Variants in QSOX2 observed in about 807,000 individuals in gnomAD.
The protein encoded by QSOX2 is sulfhydryl oxidase 2.
In QSOX2, 46 loss-of-function variants were observed where a neutral mutation model predicts 61.7. That is an observed-to-expected ratio of 0.75 (90% CI 0.59 to 0.95). QSOX2 has a LOEUF of 0.95. Among genes scored for constraint, QSOX2 ranks in the 40% least tolerant of loss-of-function variants. The probability of loss-of-function intolerance (pLI) is 0.00; values close to 1 mark genes in which losing one functional copy is unlikely to be tolerated. For synonymous variants in QSOX2, 383 were observed against 388.4 expected, an observed-to-expected ratio of 0.99 and a Z score of 0.16; for missense variants, 879 against 918.9, an observed-to-expected ratio of 0.96 and a Z score of 0.56.
At position 136,216,631 on chromosome 9, in the gene QSOX2, G is replaced by A; in HGVS notation, c.1178C>T (p.Ala393Val). The change falls in exon 9 of 12, where the codon GCC (alanine) becomes GTC (valine). Residue 393 changes from alanine (A) to valine (V), a missense_variant. Coordinates refer to ENST00000358701, the MANE Select transcript of QSOX2 (RefSeq NM_181701.4). ...SLPLDRIPYN[A>V]VLDLVNNKMR... Reference sequence around the variant, plus strand: ...CTTGTTGTTGACCAGGTCAAGCACGGCGTTGTAGGGGATCCTGTCCAGGGG... The same window carrying A: ...CTTGTTGTTGACCAGGTCAAGCACGACGTTGTAGGGGATCCTGTCCAGGGG... The A allele has an allele frequency of 6.2e-7, 1 of 1,613,966 alleles. No individual in the cohort carries two copies. Among genetic ancestry groups the A allele is most frequent in the South Asian group, 1.1e-5 (1 of 91,092 alleles).
rs550171545 is a variant in QSOX2 at position 136,209,097 on chromosome 9, C to A, written c.1728G>T (p.Gly576=). The A allele has an allele frequency of 1.2e-6, 2 of 1,614,184 alleles. No individual in the cohort carries two copies. Among genetic ancestry groups the A allele is most frequent in the Admixed American group, 1.7e-5 (1 of 60,028 alleles). Residue 576 remains glycine, a synonymous_variant, in exon 12 of 12, where the codon GGG becomes GGT. Coordinates refer to ENST00000358701, the MANE Select transcript of QSOX2 (RefSeq NM_181701.4). The surrounding 1 kb of genome is among the most constrained non-coding windows in gnomAD (Gnocchi z 5.6). ...NLLDTYSADQ[G]DSSEGGTLAR... ...CCAGGGTTCCTCCTTCACTGGAATC[C>A]CCCTGGTCTGCGGAATACGTGTCTA...
chr9:136,226,552 TC>T (rs5901101), intron 2 of QSOX2, among the ~76,000 whole-genome samples: 1,951 of 152,168 alleles, frequency 0.013, 52 homozygotes, highest in South Asian at 0.11. Context: ...GCGTGGACAG[TC>T]CCACAGACAC....
intron 11 of QSOX2, 34 bp downstream of exon 11, chr9:136,211,230 C>T (rs773009044): frequency 3.2e-5 from 52 of 1,605,892 alleles, no homozygotes; most frequent in Middle Eastern, 1.7e-4. Context: ...TCCCTCCGCC[C>T]GTGCTGAGCC....
At chr9:136,213,728 C>G (rs150235836) in intron 10 of QSOX2, among the ~76,000 whole-genome samples, 22 of 152,268 alleles carry the variant, frequency 1.4e-4, no homozygotes, top group Non-Finnish European at 2.6e-4. Context: ...CAACAGGATG[C>G]GGCAGAAGTA....
intron 1 of QSOX2, among the ~76,000 whole-genome samples, chr9:136,240,577 GAGCAAAGGTCTTCTTAGCTA>G (rs1336127648): frequency 6.6e-6 from 1 of 152,206 alleles, no homozygotes; most frequent in Non-Finnish European, 1.5e-5. Flanking sequence ...CCTCTTGGCT[GAGCAAAGGTCTTCTTAGCTA>G]AGCTCCAAGT....
chr9:136,236,084 C>A (rs1237447551), intron 1 of QSOX2, among the ~76,000 whole-genome samples: 1 of 152,182 alleles, frequency 6.6e-6, no homozygotes, highest in Non-Finnish European at 1.5e-5. Flanking sequence ...CCAAGTCAAC[C>A]CGGACCTCTC....
intron 1 of QSOX2, among the ~76,000 whole-genome samples, chr9:136,231,827 G>A (rs987030655): frequency 6.6e-6 from 1 of 152,148 alleles, no homozygotes; most frequent in Non-Finnish European, 1.5e-5. Context: ...CGAGCTCCAA[G>A]TCCTCAGAGG....
intron 10 of QSOX2, 91 bp from the exon 11 acceptor site, chr9:136,211,543 C>T: frequency 7.3e-7 from 1 of 1,366,890 alleles, no homozygotes. Context: ...GAAACCGCTC[C>T]TGACATGTCG....
At chr9:136,234,191 C>T (rs545718408) in intron 1 of QSOX2, among the ~76,000 whole-genome samples, 249 of 152,370 alleles carry the variant, frequency 1.6e-3, no homozygotes, top group Middle Eastern at 3.4e-3. Flanking sequence ...TTTTGTGCGA[C>T]GATCTTCTCT....
intron 11 of QSOX2, chr9:136,210,541 T>C (rs1043642081): frequency 1.0e-6 from 1 of 985,314 alleles, no homozygotes; most frequent in African/African-American, 1.7e-5. Flanking sequence ...ACGGAGAAGC[T>C]GCGCTGACCG....
At chr9:136,233,737 A>G (rs1830353058) in intron 1 of QSOX2, among the ~76,000 whole-genome samples, 1 of 152,206 alleles carries the variant, frequency 6.6e-6, no homozygotes, top group African/African-American at 2.4e-5. Context: ...ACAGAAGACG[A>G]CGCTGTGGAG....
chr9:136,231,867 G>A (rs948457668), intron 1 of QSOX2, among the ~76,000 whole-genome samples: 7 of 151,152 alleles, frequency 4.6e-5, no homozygotes, highest in East Asian at 1.9e-4. Flanking sequence ...CCTCAGGGCC[G>A]GCAATCCGCC....
Position 136,208,738 on chromosome 9 carries a change from G to T in QSOX2, c.2087C>A (p.Pro696Gln), listed in dbSNP as rs373296655. Residue 696 changes from proline (P) to glutamine (Q), a missense_variant, in exon 12 of 12, where the codon CCG (proline) becomes CAG (glutamine). Transcript: ENST00000358701. ...SRRWKVKHHH[P>Q]AV ...GCAGCACCCGGGCACTCACACGGCC[G>T]GGTGGTGGTGCTTGACCTTCCACCG... 9.3e-6 allele frequency: 15 copies of T among 1,607,460 alleles called. No individual in the cohort carries two copies. Among genetic ancestry groups the T allele is most frequent in the Non-Finnish European group, 1.1e-5 (13 of 1,175,548 alleles).
intron 1 of QSOX2, among the ~76,000 whole-genome samples, chr9:136,236,600 T>A (rs1361343714): frequency 6.6e-6 from 1 of 152,162 alleles, no homozygotes; most frequent in African/African-American, 2.4e-5. Context: ...ACGGGTGCAC[T>A]CCACCTTGAC....
At chr9:136,217,754 C>T (rs1831931548) in intron 8 of QSOX2, among the ~76,000 whole-genome samples, 1 of 152,198 alleles carries the variant, frequency 6.6e-6, no homozygotes, top group Non-Finnish European at 1.5e-5. Flanking sequence ...GCCACCACCA[C>T]TAAGAGCCAC....
At chr9:136,241,726 C>CG (rs1365629156) in intron 1 of QSOX2, among the ~76,000 whole-genome samples, 2 of 152,184 alleles carry the variant, frequency 1.3e-5, no homozygotes. Flanking sequence ...TGGGAGGACT[C>CG]GGCCTGTTCC....
At chr9:136,210,782 G>T (rs1476386887) in intron 11 of QSOX2, 2 of 985,088 alleles carry the variant, frequency 2.0e-6, no homozygotes, top group Non-Finnish European at 2.4e-6. Flanking sequence ...ACTGATTTAG[G>T]AACAGTTTGA....
At position 136,221,975 on chromosome 9, in the gene QSOX2, G is replaced by C. The variant is rs201818202; in HGVS notation, c.676-34C>G. The C allele has an allele frequency of 3.3e-6, 5 of 1,517,368 alleles. No homozygotes were observed. The East Asian group carries it at 1.2e-4, about 37-fold the overall frequency. 94.0% of individuals were successfully genotyped at this position (1,517,368 alleles called of 1,614,324 possible). A position where few individuals can be genotyped will look rare whatever the true frequency, so the allele number is the denominator to read the frequency against. Reference sequence around the variant, plus strand: ...TGAGAACACAATGACACTTCCACAGGGGCTGGCAGTTTCTCAGAAAACACG... The same window carrying C: ...TGAGAACACAATGACACTTCCACAGCGGCTGGCAGTTTCTCAGAAAACACG... On this transcript the variant is annotated intron_variant, in intron 5 of 11. Coordinates refer to ENST00000358701, the MANE Select transcript of QSOX2 (RefSeq NM_181701.4). This position sits in a 1 kb window ranked among gnomAD's most constrained non-coding sequence, Gnocchi z 4.5.
At chr9:136,225,098 C>T (rs1218373916) in intron 2 of QSOX2, among the ~76,000 whole-genome samples, 189 bp from the exon 3 acceptor site, 1 of 152,154 alleles carries the variant, frequency 6.6e-6, no homozygotes, top group African/African-American at 2.4e-5. Context: ...GTCAGATTTA[C>T]GAGGGGGCTA....
Sources: allele counts gnomAD v4.1 joint callset (sites outside exome capture counted in the v4.1 genomes callset), GRCh38; gene constraint gnomAD v4.1.1; non-coding constraint Gnocchi (gnomAD v3.1); transcripts MANE v1.5; gene names NCBI Gene and HGNC (gene_info 2026-07-23, HGNC 2026-07-21).